PARVA: variants seen among roughly 807,000 people sequenced by gnomAD.
The protein encoded by PARVA is alpha-parvin.
Under a neutral mutation model 52.6 loss-of-function variants are expected in PARVA, and 25 were observed. The ratio of observed to expected loss-of-function variants is 0.48; its 90% CI spans 0.35 to 0.66. The LOEUF (loss-of-function observed/expected upper bound fraction) is 0.66. Ranked by LOEUF, PARVA falls within the 30% of genes least tolerant of loss-of-function variation. The probability of loss-of-function intolerance (pLI) is 0.01; values close to 1 mark genes in which losing one functional copy is unlikely to be tolerated. For synonymous variants in PARVA, 185 were observed against 179.1 expected, an observed-to-expected ratio of 1.03 and a Z score of -0.26; for missense variants, 373 against 450.9, an observed-to-expected ratio of 0.83 and a Z score of 1.56.
intron 1 of PARVA, among the ~76,000 whole-genome samples, chr11:12,418,019 G>A (rs1331292163): frequency 6.6e-6 from 1 of 152,202 alleles, no homozygotes; most frequent in Non-Finnish European, 1.5e-5. Context: ...GTGGGGAAGA[G>A]AAGTCACTTG....
chr11:12,469,787 A>G (rs556492691), intron 1 of PARVA, among the ~76,000 whole-genome samples: 1 of 152,338 alleles, frequency 6.6e-6, no homozygotes, highest in Non-Finnish European at 1.5e-5. Context: ...TGGATTTGTT[A>G]TGTCTCTGTG....
At chr11:12,401,010 CATG>C (rs1269079262) in intron 1 of PARVA, among the ~76,000 whole-genome samples, 2 of 152,120 alleles carry the variant, frequency 1.3e-5, no homozygotes, top group African/African-American at 2.4e-5. Context: ...TGTTTAATAA[CATG>C]AGGAGATGTT....
At chr11:12,513,261 A>G (rs2403631) in intron 8 of PARVA, 38 bp from the exon 9 acceptor site, 1,599,460 of 1,603,260 alleles carry the variant, frequency 1, 797,913 homozygotes, top group East Asian at 1. Flanking sequence ...GCCAGGGATC[A>G]GCTCTTGTGC....
intron 5 of PARVA, among the ~76,000 whole-genome samples, chr11:12,497,835 T>A (rs1335488876): frequency 1.3e-5 from 2 of 152,166 alleles, no homozygotes; most frequent in East Asian, 1.9e-4. Flanking sequence ...ATCTGCATTT[T>A]AAAAATCCAC....
chr11:12,377,445 C>A, upstream of PARVA: 1 of 1,383,194 alleles, frequency 7.2e-7, no homozygotes, highest in Non-Finnish European at 9.3e-7. Context: ...GGGAGCGCAG[C>A]TCCTTCCAGG....
chr11:12,389,741 G>A (rs919904575), intron 1 of PARVA, among the ~76,000 whole-genome samples: 13 of 152,138 alleles, frequency 8.5e-5, no homozygotes, highest in Admixed American at 7.9e-4. Context: ...TCAGTTTCCT[G>A]TACCTGCATT....
At chr11:12,496,692 T>C in intron 5 of PARVA, 94 bp downstream of exon 5, 1 of 1,250,010 alleles carries the variant, frequency 8.0e-7, no homozygotes, top group Non-Finnish European at 1.1e-6. Context: ...CTTGGCAGGC[T>C]TCAGGGGAGG....
chr11:12,492,957 T>C (rs1941250853), intron 4 of PARVA, among the ~76,000 whole-genome samples: 1 of 152,150 alleles, frequency 6.6e-6, no homozygotes, highest in African/African-American at 2.4e-5. Context: ...TGAAAAATAA[T>C]GAGTTATATT....
At chr11:12,392,917 A>G (rs898993209) in intron 1 of PARVA, among the ~76,000 whole-genome samples, 1 of 152,098 alleles carries the variant, frequency 6.6e-6, no homozygotes, top group South Asian at 2.1e-4. Context: ...TAGGTGTTTC[A>G]TCTTGCAGAA....
intron 5 of PARVA, among the ~76,000 whole-genome samples, chr11:12,503,259 G>C (rs140445588): frequency 1.3e-5 from 2 of 152,278 alleles, no homozygotes; most frequent in East Asian, 3.9e-4. Flanking sequence ...TTAAAGCCCT[G>C]AACCAAGGAA....
chr11:12,497,833 T>C lies in PARVA; in HGVS notation c.541+1235T>C, dbSNP rs115196074. On this transcript the variant is annotated intron_variant, in intron 5 of 12. Transcript: ENST00000334956. ...ACTAGTTTGGGAAATGTATCTGCAT[T>C]TTAAAAATCCACAATAGTCATAAAC... 2.0e-3 allele frequency among the ~76,000 whole-genome samples: 307 copies of C among 152,232 alleles called. 2 individuals are homozygous for C. Among genetic ancestry groups the C allele is most frequent in the African/African-American group, 6.9e-3 (287 of 41,546 alleles).
At position 12,423,351 on chromosome 11, in the gene PARVA, GTTT is replaced by G. The variant is rs869105706; in HGVS notation, c.136+45585_136+45587del. Among the ~76,000 whole-genome samples, 12 of 104,706 alleles carry G rather than the reference GTTT, an allele frequency of 1.1e-4. 1 individual carries two copies. The highest frequency in any genetic ancestry group is 5.0e-4 in the Admixed American group (5 of 9,982). 68.7% of individuals were successfully genotyped at this position (104,706 alleles called of 152,430 possible). On this transcript the variant is annotated intron_variant, in intron 1 of 12. Transcript: ENST00000334956. ...GCGCCACCATGCGTGGCTAATTTTT[GTTT>G]TTTTTTTTTTTTTTTTGGTAGAGAC...
intron 12 of PARVA, among the ~76,000 whole-genome samples, chr11:12,526,125 T>C (rs1412958844): frequency 3.3e-5 from 5 of 152,210 alleles, no homozygotes; most frequent in Admixed American, 2.6e-4. Context: ...CAATGTGCAG[T>C]ACTTGGGTGA....
chr11:12,475,526 A>C (rs1277625140), intron 3 of PARVA, among the ~76,000 whole-genome samples: 1 of 152,098 alleles, frequency 6.6e-6, no homozygotes, highest in Non-Finnish European at 1.5e-5. Flanking sequence ...ACATTAGAGG[A>C]TGGAAGGAGG....
intron 1 of PARVA, among the ~76,000 whole-genome samples, chr11:12,411,028 A>G (rs1459253014): frequency 6.6e-6 from 1 of 152,204 alleles, no homozygotes; most frequent in East Asian, 1.9e-4. Context: ...GAGATCAAGT[A>G]TGGTACTTAG....
At chr11:12,468,133 T>C (rs141341756) in intron 1 of PARVA, among the ~76,000 whole-genome samples, 2 of 152,348 alleles carry the variant, frequency 1.3e-5, no homozygotes, top group East Asian at 3.9e-4. Context: ...GTTAGCCTTG[T>C]TCTACATGAG....
intron 1 of PARVA, among the ~76,000 whole-genome samples, chr11:12,472,287 C>T (rs772117572): frequency 2.0e-5 from 3 of 152,202 alleles, no homozygotes; most frequent in Non-Finnish European, 2.9e-5. Flanking sequence ...TGTTGGGCTG[C>T]ATTCAAAGCC....
intron 1 of PARVA, among the ~76,000 whole-genome samples, chr11:12,397,423 A>G (rs1939764540): frequency 6.6e-6 from 1 of 152,216 alleles, no homozygotes; most frequent in Non-Finnish European, 1.5e-5. Context: ...CTTGCAAACA[A>G]CATTCTATGC....
At chr11:12,418,840 A>C (rs1447090357) in intron 1 of PARVA, among the ~76,000 whole-genome samples, 1 of 152,148 alleles carries the variant, frequency 6.6e-6, no homozygotes, top group Non-Finnish European at 1.5e-5. Flanking sequence ...TAACAATAAT[A>C]ACCATTATTG....
Sources: allele counts gnomAD v4.1 joint callset (sites outside exome capture counted in the v4.1 genomes callset), GRCh38; gene constraint gnomAD v4.1.1; transcripts MANE v1.5; gene names NCBI Gene and HGNC (gene_info 2026-07-23, HGNC 2026-07-21).